PCDHA10: variants seen among roughly 807,000 people sequenced by gnomAD.
PCDHA10 encodes protocadherin alpha-10.
Under a neutral mutation model 61.2 loss-of-function variants are expected in PCDHA10, and 45 were observed. The observed-to-expected ratio is 0.74, with a 90% CI of 0.58 to 0.94. PCDHA10 has a LOEUF of 0.94. Among genes scored for constraint, PCDHA10 ranks in the 40% least tolerant of loss-of-function variants. The probability of loss-of-function intolerance (pLI) is 0.00; values close to 1 mark genes in which losing one functional copy is unlikely to be tolerated. For synonymous variants in PCDHA10, 602 were observed against 548.8 expected, an observed-to-expected ratio of 1.10 and a Z score of -1.35; for missense variants, 1,278 against 1,236.2, an observed-to-expected ratio of 1.03 and a Z score of -0.51.
chr5:140,984,243 C>T (rs781830326), intron 3 of PCDHA10, among the ~76,000 whole-genome samples: 2 of 152,246 alleles, frequency 1.3e-5, no homozygotes, highest in Non-Finnish European at 2.9e-5. Context: ...CATTGTAGGT[C>T]GACCTGGTAA....
chr5:140,867,486 A>G (rs2049987159), intron 1 of PCDHA10: 1 of 152,146 alleles, frequency 6.6e-6, no homozygotes, highest in South Asian at 2.1e-4. Context: ...AAGAGTAAAT[A>G]TGAAAAAAGT....
intron 1 of PCDHA10, chr5:140,966,660 A>G: frequency 8.2e-7 from 1 of 1,217,300 alleles, no homozygotes; most frequent in Non-Finnish European, 1.1e-6. Context: ...GCGGTGGGGG[A>G]GCAGGCGCAG....
At chr5:140,979,062 G>A in intron 2 of PCDHA10, 55 bp downstream of exon 2, 1 of 1,604,568 alleles carries the variant, frequency 6.2e-7, no homozygotes, top group Non-Finnish European at 8.5e-7. Flanking sequence ...GTATGGCTCA[G>A]ATAAACTGCA....
At chr5:140,876,662 T>C in intron 1 of PCDHA10, 1 of 1,614,232 alleles carries the variant, frequency 6.2e-7, no homozygotes, top group Non-Finnish European at 8.5e-7. Flanking sequence ...CCCTTCAAGC[T>C]GGTGTCCACC....
chr5:140,895,670 G>A (rs551602030), intron 1 of PCDHA10, among the ~76,000 whole-genome samples: 2 of 152,132 alleles, frequency 1.3e-5, no homozygotes, highest in African/African-American at 2.4e-5. Context: ...AGAACATGTA[G>A]TATTTGGTTT....
intron 1 of PCDHA10, among the ~76,000 whole-genome samples, chr5:140,879,660 G>A (rs994440632): frequency 1.3e-5 from 2 of 152,154 alleles, no homozygotes; most frequent in East Asian, 1.9e-4. Flanking sequence ...TATAACAAAC[G>A]AACACAAACT....
At chr5:140,971,895 T>C (rs1554233682) in intron 1 of PCDHA10, among the ~76,000 whole-genome samples, 2 of 151,872 alleles carry the variant, frequency 1.3e-5, no homozygotes, top group Non-Finnish European at 2.9e-5. Context: ...TCAGGGAGGT[T>C]AGGTAATCTA....
chr5:141,003,044 T>C (rs1459180030), intron 3 of PCDHA10, among the ~76,000 whole-genome samples: 1 of 152,230 alleles, frequency 6.6e-6, no homozygotes, highest in African/African-American at 2.4e-5. Flanking sequence ...CCTCCTGGCC[T>C]TAACAGAACA....
chr5:140,987,004 A>G (rs2097221558), intron 3 of PCDHA10, among the ~76,000 whole-genome samples: 2 of 152,242 alleles, frequency 1.3e-5, no homozygotes, highest in Non-Finnish European at 2.9e-5. Flanking sequence ...ACTTGAGGTC[A>G]TGAGTTCGAG....
chr5:140,963,483 T>C (rs1228943699), intron 1 of PCDHA10, among the ~76,000 whole-genome samples: 1 of 152,246 alleles, frequency 6.6e-6, no homozygotes, highest in Non-Finnish European at 1.5e-5. Flanking sequence ...GGTAAATCTC[T>C]TGTGAGGAAA....
intron 1 of PCDHA10, chr5:140,969,531 A>G: frequency 7.4e-7 from 1 of 1,356,026 alleles, no homozygotes; most frequent in South Asian, 1.6e-5. Context: ...TTTATTTTTC[A>G]TTTTCAGAGG....
chr5:140,856,211 C>G lies in PCDHA10; in HGVS notation c.163C>G (p.Leu55Val), dbSNP rs374070531. ...GRIAQDLGLE[L>V]AELVQRLFRV... ...CATCGCGCAGGACCTGGGGCTGGAG[C>G]TGGCGGAGCTGGTGCAGCGCCTGTT... is the stretch of plus-strand genomic sequence containing the variant. Residue 55 changes from leucine (L) to valine (V), a missense_variant, in exon 1 of 4, where the codon CTG becomes GTG. Physicochemically the swap from Leu to Val is conservative, Grantham distance 32 (BLOSUM62 1). Coordinates refer to ENST00000307360, the MANE Select transcript of PCDHA10 (RefSeq NM_018901.4). 6.3e-7 allele frequency: 1 copy of G among 1,598,094 alleles called. No individual in the cohort carries two copies. Among genetic ancestry groups the G allele is most frequent in the South Asian group, 1.1e-5 (1 of 90,506 alleles).
chr5:140,923,039 A>G (rs998399771), intron 1 of PCDHA10, among the ~76,000 whole-genome samples: 2 of 152,236 alleles, frequency 1.3e-5, no homozygotes, highest in Non-Finnish European at 2.9e-5. Context: ...TACTACATGT[A>G]TAGTATTTAG....
chr5:140,856,473 C>T lies in PCDHA10; in HGVS notation c.425C>T (p.Pro142Leu), dbSNP rs1471191080. 1.3e-6 allele frequency: 2 copies of T among 1,598,372 alleles called. No homozygotes were observed. The change falls in exon 1 of 4, where the codon CCT (proline) becomes CTT (leucine). Residue 142 changes from proline (P) to leucine (L), a missense_variant. Coordinates refer to ENST00000307360, the MANE Select transcript of PCDHA10 (RefSeq NM_018901.4). ...FSVTEQKLSI[P>L]ESRLLDSRFP... Reference sequence around the variant, plus strand: ...GTAACAGAACAAAAGCTCTCAATACCTGAATCCAGACTGCTTGACTCTCGA... The same window carrying T: ...GTAACAGAACAAAAGCTCTCAATACTTGAATCCAGACTGCTTGACTCTCGA...
chr5:140,898,263 C>T lies in PCDHA10; in HGVS notation c.2388+39827C>T, dbSNP rs1420763503. The stretch of plus-strand genomic sequence containing the variant: ...GGTGTTTTAGACATGAAGTCCTTGC[C>T]CATGCCTAAGTTCTGAATGGTAATG... On this transcript the variant is annotated intron_variant, in intron 1 of 3. Transcript: ENST00000307360. 2.0e-5 allele frequency among the ~76,000 whole-genome samples: 3 copies of T among 152,270 alleles called. No individual in the cohort carries two copies. In the East Asian group the frequency reaches 5.8e-4, roughly 29 times the overall value.
chr5:141,008,430 GC>G (rs1252417058), intron 3 of PCDHA10, among the ~76,000 whole-genome samples: 2 of 152,260 alleles, frequency 1.3e-5, no homozygotes, highest in African/African-American at 4.8e-5. Context: ...GGATCACTTT[GC>G]CCAGACAGAC....
At chr5:140,917,587 C>T (rs2078270380) in intron 1 of PCDHA10, among the ~76,000 whole-genome samples, 1 of 152,164 alleles carries the variant, frequency 6.6e-6, no homozygotes, top group Non-Finnish European at 1.5e-5. Context: ...TTTGTTCATG[C>T]TGAAAGGAAG....
chr5:140,886,886 T>C (rs1554182794), intron 1 of PCDHA10, among the ~76,000 whole-genome samples: 1 of 151,610 alleles, frequency 6.6e-6, no homozygotes, highest in African/African-American at 2.4e-5. Flanking sequence ...CATTCATTAA[T>C]TAAATGCATT....
At chr5:140,892,945 T>C (rs1554185456) in intron 1 of PCDHA10, among the ~76,000 whole-genome samples, 3 of 152,336 alleles carry the variant, frequency 2.0e-5, no homozygotes, top group South Asian at 2.1e-4. Flanking sequence ...AGCACAATAC[T>C]ACTTCCATGA....
Sources: gnomAD v4.1 joint callset for allele counts (sites outside exome capture counted in the v4.1 genomes callset) on GRCh38, gnomAD v4.1.1 for gene constraint, MANE v1.5 for transcripts, NCBI Gene and HGNC (gene_info 2026-07-23, HGNC 2026-07-21) for gene names.